Variants in CHD7 observed in about 807,000 individuals in gnomAD.
CHD7 encodes the protein ATP-dependent chromatin remodeler CHD7.
A neutral mutation model predicts 307.3 loss-of-function variants in CHD7; 24 were observed. The observed-to-expected ratio is 0.08, with a 90% confidence interval of 0.06 to 0.11. The LOEUF is 0.11. Ranked by LOEUF, CHD7 falls within the 10% of genes least tolerant of loss-of-function variation. CHD7 has a pLI of 1.00. For synonymous variants in CHD7, 1,363 were observed against 1,349.9 expected (o/e 1.01, Z -0.21); for missense variants, 3,106 against 3,727.1 (o/e 0.83, Z 4.34).
Position 60,856,093 on chromosome 8 carries a change from C to T in CHD7, c.7055C>T (p.Thr2352Ile), listed in dbSNP as rs1805692097. 6.2e-7 allele frequency: 1 copy of T among 1,611,530 alleles called. No individual in the cohort carries two copies. Among genetic ancestry groups the T allele is most frequent in the Non-Finnish European group, 8.5e-7 (1 of 1,178,776 alleles). The change falls in exon 33 of 38, where the codon ACC becomes ATC. Residue 2352 changes from threonine (T) to isoleucine (I), a missense_variant. Around this residue, in one of 10 missense-constraint regions of CHD7, gnomAD observed 1,030 missense variants for 1,165.4 expected, o/e 0.88. Transcript: ENST00000423902. ...GGCCTCATCCCAGGTTACACACCCA[C>T]CACAGTGGACAGCCCCTTGCAGAAG... Reference protein sequence around the residue: ...FQGLIPGYTPTTVDSPLQKRS... With the variant: ...FQGLIPGYTPITVDSPLQKRS...
At chr8:60,806,116 A>G (rs1388764370) in intron 6 of CHD7, among the ~76,000 whole-genome samples, 1 of 152,208 alleles carries the variant, frequency 6.6e-6, no homozygotes, top group African/African-American at 2.4e-5. Flanking sequence ...TAATCCCAGT[A>G]CTTTGGGAAG....
At chr8:60,805,721 A>G (rs1049862601) in intron 6 of CHD7, among the ~76,000 whole-genome samples, 1 of 152,208 alleles carries the variant, frequency 6.6e-6, no homozygotes, top group Non-Finnish European at 1.5e-5. Flanking sequence ...GAATGAGAAG[A>G]AAAGGGACAG....
At chr8:60,835,027 C>A (rs1001235854) in intron 15 of CHD7, among the ~76,000 whole-genome samples, 1 of 152,208 alleles carries the variant, frequency 6.6e-6, no homozygotes, top group Non-Finnish European at 1.5e-5. Context: ...AGGAAACAAT[C>A]CCATTAAGAT....
intron 3 of CHD7, among the ~76,000 whole-genome samples, chr8:60,785,575 C>G (rs1014488464): frequency 2.6e-5 from 4 of 152,150 alleles, no homozygotes; most frequent in African/African-American, 9.7e-5. Flanking sequence ...TACGAGCTTA[C>G]AGAGTAGCAA....
At chr8:60,732,938 A>G (rs1808525146) in intron 1 of CHD7, among the ~76,000 whole-genome samples, 2 of 152,132 alleles carry the variant, frequency 1.3e-5, no homozygotes, top group African/African-American at 4.8e-5. Flanking sequence ...TTAGGATAAC[A>G]TTCAAAAGAT....
chr8:60,697,972 T>C (rs1215240528), intron 1 of CHD7, among the ~76,000 whole-genome samples: 1 of 152,234 alleles, frequency 6.6e-6, no homozygotes, highest in Non-Finnish European at 1.5e-5. Context: ...CAACTTTTTA[T>C]AGTGTTAATC....
At chr8:60,778,781 T>C (rs531460045) in intron 2 of CHD7, among the ~76,000 whole-genome samples, 29 of 152,340 alleles carry the variant, frequency 1.9e-4, no homozygotes, top group African/African-American at 7.0e-4. Context: ...TTAATTACAT[T>C]AAGGAATAAT....
chr8:60,862,163 C>T, intron 35 of CHD7, 33 bp from the exon 36 acceptor site: 1 of 1,567,140 alleles, frequency 6.4e-7, no homozygotes. Flanking sequence ...GTACTAAATA[C>T]CAATTTTACT....
intron 1 of CHD7, among the ~76,000 whole-genome samples, chr8:60,731,334 G>C (rs1179916808): frequency 2.0e-5 from 3 of 152,172 alleles, no homozygotes; most frequent in Non-Finnish European, 4.4e-5. Flanking sequence ...ACAAATTTGT[G>C]CTAATTTTGC....
intron 19 of CHD7, among the ~76,000 whole-genome samples, chr8:60,838,589 A>G (rs373046418): frequency 8.5e-5 from 13 of 152,280 alleles, no homozygotes; most frequent in African/African-American, 2.9e-4. Context: ...GGTTTTTGAA[A>G]CAGCCTATAA....
chr8:60,719,421 G>A (rs967698491), intron 1 of CHD7, among the ~76,000 whole-genome samples: 23 of 152,178 alleles, frequency 1.5e-4, no homozygotes, highest in African/African-American at 5.3e-4. Context: ...TTTGAAACGT[G>A]TGGGGGCTCA....
chr8:60,697,278 A>G (rs1219178562), intron 1 of CHD7, among the ~76,000 whole-genome samples: 1 of 152,244 alleles, frequency 6.6e-6, no homozygotes, highest in Admixed American at 6.5e-5. Context: ...TGGAAGAAAC[A>G]CATTTGAGCT....
intron 7 of CHD7, among the ~76,000 whole-genome samples, chr8:60,810,024 G>A (rs530221498): frequency 6.6e-6 from 1 of 152,158 alleles, no homozygotes; most frequent in Non-Finnish European, 1.5e-5. Flanking sequence ...CGGACTTGTG[G>A]CTTCTCATTT....
At chr8:60,847,205 G>A (rs1805251134) in intron 23 of CHD7, among the ~76,000 whole-genome samples, 1 of 152,198 alleles carries the variant, frequency 6.6e-6, no homozygotes, top group Admixed American at 6.5e-5. Flanking sequence ...TCGTGGTTGG[G>A]GGAGGGCCTG....
intron 32 of CHD7, chr8:60,854,986 T>C (rs1805636682): frequency 6.6e-6 from 1 of 152,308 alleles, no homozygotes; most frequent in Non-Finnish European, 1.5e-5. Flanking sequence ...TAATTCCAAA[T>C]GTAGTTATCT....
intron 2 of CHD7, among the ~76,000 whole-genome samples, chr8:60,772,985 G>A (rs1320611926): frequency 6.6e-6 from 1 of 152,178 alleles, no homozygotes; most frequent in Non-Finnish European, 1.5e-5. Context: ...TGGAGACCCT[G>A]CGTTTTGTTG....
At position 60,811,222 on chromosome 8, in the gene CHD7, T is replaced by G. The variant is rs567360835; in HGVS notation, c.2498+2950T>G. On this transcript the variant is annotated intron_variant, in intron 7 of 37. Transcript: ENST00000423902. ...ATTTGTATTCCCTTTTAGCCCCCGC[T>G]TGTTGATTTTTATTGTTTTTCAAGT... Among the ~76,000 whole-genome samples, 352 of 152,286 alleles carry G rather than the reference T, an allele frequency of 2.3e-3. 1 individual carries two copies. Among genetic ancestry groups the G allele is most frequent in the African/African-American group, 7.3e-3 (305 of 41,554 alleles).
At chr8:60,808,631 C>T (rs944289389) in intron 7 of CHD7, 2 of 226,636 alleles carry the variant, frequency 8.8e-6, no homozygotes, top group Admixed American at 5.7e-5. Flanking sequence ...GCATAGTGTG[C>T]GAGGCCCTAG....
intron 2 of CHD7, among the ~76,000 whole-genome samples, chr8:60,746,413 T>G (rs1247557072): frequency 6.6e-6 from 1 of 152,256 alleles, no homozygotes; most frequent in African/African-American, 2.4e-5. Context: ...TCTCTCTCTC[T>G]GAATGATTGA....
Sources: allele counts gnomAD v4.1 joint callset (sites outside exome capture counted in the v4.1 genomes callset), GRCh38; gene constraint gnomAD v4.1.1; regional missense constraint gnomAD v4.1.1; transcripts MANE v1.5; gene names NCBI Gene and HGNC (gene_info 2026-07-23, HGNC 2026-07-21).